TEX14: variants seen among roughly 807,000 people sequenced by gnomAD.
The protein encoded by TEX14 is inactive serine/threonine-protein kinase TEX14.
In TEX14, 168 loss-of-function variants were observed where a neutral mutation model predicts 178.6. The ratio of observed to expected loss-of-function variants is 0.94; its 90% CI spans 0.83 to 1.07. TEX14 has a LOEUF of 1.07. Ranked by LOEUF, TEX14 falls within the 50% of genes least tolerant of loss-of-function variation. TEX14 has a pLI of 0.00. For synonymous variants in TEX14, 626 were observed against 634.1 expected, an observed-to-expected ratio of 0.99 and a Z score of 0.19; for missense variants, 1,730 against 1,753.6, an observed-to-expected ratio of 0.99 and a Z score of 0.24.
intron 18 of TEX14, 34 bp downstream of exon 18, chr17:58,585,767 G>A: frequency 6.2e-7 from 1 of 1,607,488 alleles, no homozygotes; most frequent in South Asian, 1.1e-5. Flanking sequence ...ACTTGATTGA[G>A]TTCACCTATC....
At chr17:58,602,005 T>C (rs1410320457) in intron 12 of TEX14, 49 bp from the exon 13 acceptor site, 1 of 1,593,226 alleles carries the variant, frequency 6.3e-7, no homozygotes, top group South Asian at 1.1e-5. Flanking sequence ...TCATCCTGAA[T>C]GTCACTGGTG....
chr17:58,653,256 A>G (rs1288335019), intron 1 of TEX14, among the ~76,000 whole-genome samples: 3 of 152,140 alleles, frequency 2.0e-5, no homozygotes, highest in African/African-American at 7.2e-5. Flanking sequence ...AAAGGAACTA[A>G]TTTGTGTACA....
intron 17 of TEX14, 140 bp downstream of exon 17, chr17:58,587,441 T>C (rs1323705282): frequency 3.9e-6 from 2 of 516,726 alleles, no homozygotes; most frequent in African/African-American, 2.0e-5. Flanking sequence ...AAATGAAATA[T>C]AATAAAAGAA....
chr17:58,572,399 G>A (rs1177671063), intron 23 of TEX14, among the ~76,000 whole-genome samples: 4 of 152,142 alleles, frequency 2.6e-5, no homozygotes, highest in African/African-American at 9.7e-5. Context: ...GTGGGAGGCC[G>A]AGGTGGGTGG....
At chr17:58,623,284 A>G (rs1181263848) in intron 3 of TEX14, among the ~76,000 whole-genome samples, 2 of 152,128 alleles carry the variant, frequency 1.3e-5, no homozygotes, top group Non-Finnish European at 2.9e-5. Context: ...TGAGGAAACA[A>G]AACGGCAAAG....
intron 17 of TEX14, among the ~76,000 whole-genome samples, chr17:58,587,154 G>A (rs1342699165): frequency 6.6e-6 from 1 of 152,176 alleles, no homozygotes. Context: ...TTTGTGACCA[G>A]AAATATGCTA....
Position 58,651,951 on chromosome 17 carries a change from G to C in TEX14, c.51C>G (p.Thr17=). Residue 17 remains threonine (T), a synonymous_variant, in exon 2 of 32, where the codon ACC becomes ACG. Coordinates refer to ENST00000349033, the MANE Select transcript of TEX14 (RefSeq NM_031272.5). ...GAGCTTCCAGGGAGTCATTTCTTAA[G>C]GTACCAAGTTGAACAGGACAGGGGA... ...LPVPCPVQLG[T]LRNDSLEAQL... 4 of 1,613,206 alleles carry C rather than the reference G, an allele frequency of 2.5e-6. No individual in the cohort carries two copies. The highest frequency in any genetic ancestry group is 2.5e-6 in the Non-Finnish European group (3 of 1,179,804).
chr17:58,602,649 G>GA (rs2045484076), intron 11 of TEX14, 59 bp from the exon 12 acceptor site: 1 of 1,411,256 alleles, frequency 7.1e-7, no homozygotes, highest in African/African-American at 1.4e-5. Flanking sequence ...GGAGTGGGGG[G>GA]AAAAGAAATC....
chr17:58,566,644 T>C (rs1197809564), intron 26 of TEX14, among the ~76,000 whole-genome samples: 4 of 148,366 alleles, frequency 2.7e-5, no homozygotes, highest in Non-Finnish European at 6.0e-5. Context: ...ACTAAAAAAA[T>C]AAAAATTAGC....
intron 4 of TEX14, among the ~76,000 whole-genome samples, chr17:58,622,361 G>C (rs2046018511): frequency 1.3e-5 from 2 of 151,808 alleles, no homozygotes; most frequent in African/African-American, 4.8e-5. Context: ...CAGGAGAATT[G>C]CTTGAACCCA....
At chr17:58,671,694 C>T (rs2047306593) in intron 1 of TEX14, among the ~76,000 whole-genome samples, 1 of 152,154 alleles carries the variant, frequency 6.6e-6, no homozygotes, top group South Asian at 2.1e-4. Context: ...TTCTCTGGGT[C>T]TCTGTGGATT....
At chr17:58,659,178 T>C (rs144676563) in intron 1 of TEX14, among the ~76,000 whole-genome samples, 6 of 152,086 alleles carry the variant, frequency 3.9e-5, no homozygotes, top group Non-Finnish European at 7.4e-5. Flanking sequence ...AGTCCCCCAC[T>C]ACCACAAGTT....
At chr17:58,621,046 G>A (rs1217007673) in intron 5 of TEX14, among the ~76,000 whole-genome samples, 1 of 152,062 alleles carries the variant, frequency 6.6e-6, no homozygotes, top group Non-Finnish European at 1.5e-5. Flanking sequence ...AAGCCAAATG[G>A]GAAGGATTCT....
At chr17:58,585,372 G>A (rs906620975) in intron 18 of TEX14, among the ~76,000 whole-genome samples, 1 of 152,096 alleles carries the variant, frequency 6.6e-6, no homozygotes, top group South Asian at 2.1e-4. Context: ...AGAAAAGTAG[G>A]AAAGGAGAGA....
chr17:58,652,301 T>C (rs567086225), intron 1 of TEX14, among the ~76,000 whole-genome samples: 195 of 152,312 alleles, frequency 1.3e-3, no homozygotes, highest in African/African-American at 4.5e-3. Flanking sequence ...CCTTGAATTG[T>C]AGTTCCCATA....
At chr17:58,685,603 G>C (rs302878) in intron 1 of TEX14, among the ~76,000 whole-genome samples, 2 of 151,568 alleles carry the variant, frequency 1.3e-5, no homozygotes, top group Non-Finnish European at 1.5e-5. Context: ...GAAGCAAATG[G>C]GAAAGAGGAA....
At chr17:58,631,697 G>C (rs412000) in intron 2 of TEX14, 73,117 of 151,170 alleles carry the variant, frequency 0.48, 18,376 homozygotes, top group Middle Eastern at 0.58. Flanking sequence ...ACAGCAGTTA[G>C]AATAACGCAA....
chr17:58,593,429 G>A (rs2045205408), intron 15 of TEX14, 126 bp downstream of exon 15: 1 of 728,696 alleles, frequency 1.4e-6, no homozygotes, highest in African/African-American at 1.7e-5. Context: ...CTGCCAATCT[G>A]CATTACTCTT....
chr17:58,625,730 G>A (rs1416161074), intron 3 of TEX14, among the ~76,000 whole-genome samples: 1 of 152,034 alleles, frequency 6.6e-6, no homozygotes, highest in Non-Finnish European at 1.5e-5. Context: ...TAACATTTGG[G>A]AGCTTTCATT....
Sources: allele counts gnomAD v4.1 joint callset (sites outside exome capture counted in the v4.1 genomes callset), GRCh38; gene constraint gnomAD v4.1.1; transcripts MANE v1.5; gene names NCBI Gene and HGNC (gene_info 2026-07-23, HGNC 2026-07-21).